Variants in CFDP1 observed in about 807,000 individuals in gnomAD.
CFDP1 encodes the protein chromatin remodeling protein CFDP1, also known as heterochromatin-stabilizing protein CFDP1.
Under a neutral mutation model 40.1 loss-of-function variants are expected in CFDP1, and 31 were observed. The ratio of observed to expected loss-of-function variants is 0.77; its 90% CI spans 0.58 to 1.04. CFDP1 has a LOEUF of 1.04. CFDP1 is among the 50% of genes least tolerant of loss of function. The probability of loss-of-function intolerance (pLI) is 0.00; values close to 1 mark genes in which losing one functional copy is unlikely to be tolerated. For missense variants in CFDP1, 423 were observed against 343.4 expected (o/e 1.23, Z -1.83); for synonymous variants, 167 against 120.0 (o/e 1.39, Z -2.56).
chr16:75,417,912 C>T (rs1024427039), intron 1 of CFDP1, among the ~76,000 whole-genome samples: 6 of 151,472 alleles, frequency 4.0e-5, no homozygotes, highest in African/African-American at 1.5e-4. Context: ...TAATTAATCA[C>T]GTTAGGAATC....
chr16:75,406,332 G>C (rs1184781943), intron 4 of CFDP1, among the ~76,000 whole-genome samples: 1 of 152,072 alleles, frequency 6.6e-6, no homozygotes, highest in East Asian at 1.9e-4. Flanking sequence ...GGCCATGAGG[G>C]AGCCACTACA....
At chr16:75,419,272 A>C (rs1016491542) in intron 1 of CFDP1, 2 of 155,860 alleles carry the variant, frequency 1.3e-5, no homozygotes, top group Non-Finnish European at 1.4e-5. Flanking sequence ...GATATTAAAA[A>C]GACAGAAAAA....
At chr16:75,378,087 T>C (rs1375520879) in intron 5 of CFDP1, among the ~76,000 whole-genome samples, 1 of 152,164 alleles carries the variant, frequency 6.6e-6, no homozygotes, top group Non-Finnish European at 1.5e-5. Flanking sequence ...GGGAATACCA[T>C]GTGCTTCCTT....
chr16:75,370,205 G>C (rs1213164632), intron 5 of CFDP1, among the ~76,000 whole-genome samples: 9 of 151,608 alleles, frequency 5.9e-5, no homozygotes, highest in African/African-American at 2.2e-4. Context: ...TGATTCTCCT[G>C]CCTTGGCCTC....
At chr16:75,344,513 T>C (rs181682763) in intron 5 of CFDP1, among the ~76,000 whole-genome samples, 3 of 152,320 alleles carry the variant, frequency 2.0e-5, no homozygotes, top group East Asian at 1.9e-4. Context: ...AGATATTTTA[T>C]AGTAGGCGTG....
At chr16:75,417,860 G>A (rs12149063) in intron 1 of CFDP1, among the ~76,000 whole-genome samples, 78,814 of 151,910 alleles carry the variant, frequency 0.52, 21,498 homozygotes, top group Admixed American at 0.64. Flanking sequence ...ATCAATGCTG[G>A]TATTTTGAAA....
chr16:75,407,982 T>C (rs2079117778), intron 4 of CFDP1, among the ~76,000 whole-genome samples: 2 of 151,986 alleles, frequency 1.3e-5, no homozygotes, highest in African/African-American at 2.4e-5. Flanking sequence ...TGTATGCCTA[T>C]AGTCCCACGC....
chr16:75,310,081 T>G (rs1047703662), intron 5 of CFDP1, among the ~76,000 whole-genome samples: 5 of 152,212 alleles, frequency 3.3e-5, no homozygotes, highest in Non-Finnish European at 5.9e-5. Flanking sequence ...TGGAATGTTA[T>G]TACCAAGATG....
At chr16:75,397,754 C>T (rs374563065) in intron 4 of CFDP1, among the ~76,000 whole-genome samples, 15 of 151,554 alleles carry the variant, frequency 9.9e-5, no homozygotes, top group East Asian at 7.8e-4. Flanking sequence ...TGCAGTCAGC[C>T]GAGATCCCGC....
At chr16:75,404,124 C>T (rs1477606273) in intron 4 of CFDP1, among the ~76,000 whole-genome samples, 6 of 151,330 alleles carry the variant, frequency 4.0e-5, no homozygotes, top group Non-Finnish European at 7.4e-5. Context: ...AGAGTAAGAC[C>T]GTGTCTCAAA....
At chr16:75,297,628 G>A (rs1022339747) in intron 6 of CFDP1, among the ~76,000 whole-genome samples, 1 of 152,218 alleles carries the variant, frequency 6.6e-6, no homozygotes, top group African/African-American at 2.4e-5. Flanking sequence ...CCAGTCCACA[G>A]GGAAGCCTAG....
intron 4 of CFDP1, among the ~76,000 whole-genome samples, chr16:75,403,720 T>C (rs2079074836): frequency 6.6e-6 from 1 of 152,266 alleles, no homozygotes; most frequent in Non-Finnish European, 1.5e-5. Flanking sequence ...TATAGGACTT[T>C]CAAACTATTA....
chr16:75,313,895 T>G (rs1436838152), intron 5 of CFDP1, among the ~76,000 whole-genome samples: 1 of 94,252 alleles, frequency 1.1e-5, no homozygotes, highest in East Asian at 2.2e-4. Flanking sequence ...CTGTTTTTTG[T>G]TTTTTTTTAG....
intron 4 of CFDP1, among the ~76,000 whole-genome samples, chr16:75,407,609 T>C (rs2079112459): frequency 7.2e-6 from 1 of 138,080 alleles, no homozygotes; most frequent in South Asian, 2.2e-4. Context: ...CTGAGCCTCG[T>C]AGGTTGGTTG....
chr16:75,362,525 T>C (rs1393868335), intron 5 of CFDP1, among the ~76,000 whole-genome samples: 2 of 152,332 alleles, frequency 1.3e-5, no homozygotes, highest in South Asian at 2.1e-4. Context: ...CTATGCTGAT[T>C]TTTGGTTTGG....
intron 5 of CFDP1, among the ~76,000 whole-genome samples, chr16:75,371,098 C>T (rs1263028926): frequency 1.3e-5 from 2 of 152,070 alleles, no homozygotes; most frequent in Admixed American, 6.6e-5. Context: ...TGTAGTGTTC[C>T]GCAGGGTTTC....
intron 5 of CFDP1, among the ~76,000 whole-genome samples, chr16:75,330,257 G>A (rs1424460537): frequency 3.9e-5 from 6 of 152,268 alleles, no homozygotes; most frequent in Non-Finnish European, 7.4e-5. Context: ...AGGTCAGCTG[G>A]ACCTAGTCAT....
intron 5 of CFDP1, among the ~76,000 whole-genome samples, chr16:75,320,043 C>T (rs947892316): frequency 3.9e-5 from 6 of 152,192 alleles, no homozygotes; most frequent in African/African-American, 1.4e-4. Context: ...TTTTTACCCA[C>T]GGTATCACTG....
chr16:75,426,428 T>G (rs1597408886), intron 1 of CFDP1, among the ~76,000 whole-genome samples: 1 of 152,018 alleles, frequency 6.6e-6, no homozygotes, highest in South Asian at 2.1e-4. Flanking sequence ...AATCCCGAGT[T>G]AGGCAAAAAA....
Sources: gnomAD v4.1 joint callset for allele counts (sites outside exome capture counted in the v4.1 genomes callset) on GRCh38, gnomAD v4.1.1 for gene constraint, MANE v1.5 for transcripts, NCBI Gene and HGNC (gene_info 2026-07-23, HGNC 2026-07-21) for gene names.